The following WDR20 variants were observed in gnomAD, a reference collection of about 807,000 sequenced individuals.
The protein encoded by WDR20 is WD repeat-containing protein 20.
In WDR20, 3 loss-of-function variants were observed where a neutral mutation model predicts 38.7. The ratio of observed to expected loss-of-function variants is 0.08; its 90% CI spans 0.04 to 0.20. The LOEUF is 0.20. Among genes scored for constraint, WDR20 ranks in the 10% least tolerant of loss-of-function variants. WDR20 has a pLI of 1.00. For synonymous variants in WDR20, 298 were observed against 285.6 expected, an observed-to-expected ratio of 1.04 and a Z score of -0.44; for missense variants, 559 against 727.7, an observed-to-expected ratio of 0.77 and a Z score of 2.67.
At chr14:102,216,923 ACT>A (rs1056302847), downstream of WDR20, among the ~76,000 whole-genome samples, 18 of 151,996 alleles carry the variant, frequency 1.2e-4, no homozygotes, top group African/African-American at 3.9e-4. Context: ...ACAGAGCGAG[ACT>A]CTGTCTTAAA....
chr14:102,171,010 A>G (rs765608737), intron 1 of WDR20, among the ~76,000 whole-genome samples: 6 of 151,932 alleles, frequency 3.9e-5, no homozygotes, highest in South Asian at 4.1e-4. Flanking sequence ...CACCCAGGCT[A>G]GAGTGCAGTG....
At chr14:102,197,399 A>G (rs972482380) in intron 2 of WDR20, among the ~76,000 whole-genome samples, 2 of 152,244 alleles carry the variant, frequency 1.3e-5, no homozygotes, top group African/African-American at 2.4e-5. Flanking sequence ...TTTAGTATGC[A>G]TTTTAAAGTT....
At chr14:102,189,220 A>ACCC (rs1258571672) in intron 1 of WDR20, among the ~76,000 whole-genome samples, 1 of 152,180 alleles carries the variant, frequency 6.6e-6, no homozygotes, top group Admixed American at 6.5e-5. Flanking sequence ...AATAATAATA[A>ACCC]TAGTAATGAA....
At chr14:102,214,444 A>G (rs1379835008), downstream of WDR20, 3 of 985,462 alleles carry the variant, frequency 3.0e-6, no homozygotes, top group Non-Finnish European at 3.6e-6. Flanking sequence ...CTCAGATCCT[A>G]GTTACGAACT....
intron 1 of WDR20, among the ~76,000 whole-genome samples, chr14:102,182,128 T>C (rs1242009615): frequency 6.6e-6 from 1 of 152,176 alleles, no homozygotes; most frequent in African/African-American, 2.4e-5. Flanking sequence ...GGTGATAAAT[T>C]CTCAGTTCAG....
chr14:102,171,984 G>A (rs1304898087), intron 1 of WDR20, among the ~76,000 whole-genome samples: 1 of 150,492 alleles, frequency 6.6e-6, no homozygotes, highest in Non-Finnish European at 1.5e-5. Context: ...AGGGTCATAT[G>A]TGGAGGGAAG....
At chr14:102,142,865 G>A (rs1439292704) in intron 1 of WDR20, among the ~76,000 whole-genome samples, 1 of 143,754 alleles carries the variant, frequency 7.0e-6, no homozygotes, top group Non-Finnish European at 1.5e-5. Context: ...ATTTAGATGA[G>A]TAAATTCAAC....
intron 1 of WDR20, among the ~76,000 whole-genome samples, chr14:102,175,634 G>A (rs551637606): frequency 3.2e-4 from 49 of 152,218 alleles, no homozygotes; most frequent in Non-Finnish European, 4.6e-4. Context: ...TTTATAGATT[G>A]CTTTTGGCAG....
intron 1 of WDR20, among the ~76,000 whole-genome samples, chr14:102,176,885 C>T (rs902514141): frequency 4.6e-5 from 7 of 152,074 alleles, no homozygotes; most frequent in Non-Finnish European, 1.0e-4. Context: ...CCTGCCATCA[C>T]GCCCGGCTAA....
In WDR20 at chr14:102,193,534, C is replaced by G. The variant is rs1000306377; in HGVS notation, c.250-1404C>G. 7 of 1,610,624 alleles carry G rather than the reference C, an allele frequency of 4.3e-6. No homozygotes were observed. The Admixed American group carries it at 1.2e-4, about 27-fold the overall frequency. On this transcript the variant is annotated intron_variant, in intron 1 of 2. Transcript: ENST00000342702. ...ACTGAGGTGAGGCTGGGAGAGTGTC[C>G]GCATGGCATGCACCCTCATTCCTTT... is the stretch of plus-strand genomic sequence containing the variant.
At chr14:102,148,630 G>A (rs1349740218) in intron 1 of WDR20, among the ~76,000 whole-genome samples, 1 of 151,524 alleles carries the variant, frequency 6.6e-6, no homozygotes, top group Non-Finnish European at 1.5e-5. Context: ...TGGCGGATGT[G>A]AAGTGTATTT....
At chr14:102,169,743 G>A (rs2060455166) in intron 1 of WDR20, among the ~76,000 whole-genome samples, 1 of 152,080 alleles carries the variant, frequency 6.6e-6, no homozygotes, top group South Asian at 2.1e-4. Context: ...GGCCAGGCTG[G>A]TCTCGAACTC....
At chr14:102,164,794 G>C (rs903407287) in intron 1 of WDR20, among the ~76,000 whole-genome samples, 3 of 151,884 alleles carry the variant, frequency 2.0e-5, no homozygotes, top group African/African-American at 7.3e-5. Flanking sequence ...TTCTTTAATT[G>C]CTCAGTCCTC....
At chr14:102,212,684 G>A, downstream of WDR20, 9 of 1,504,324 alleles carry the variant, frequency 6.0e-6, no homozygotes, top group South Asian at 1.0e-4. Flanking sequence ...GACCTGGGGA[G>A]GGCCTGGGGA....
chr14:102,185,889 C>T (rs1293957774), intron 1 of WDR20, among the ~76,000 whole-genome samples: 1 of 151,000 alleles, frequency 6.6e-6, no homozygotes, highest in Non-Finnish European at 1.5e-5. Flanking sequence ...TCTATCACTT[C>T]ACTGTTCTTT....
chr14:102,205,708 G>T (rs553393529), intron 2 of WDR20, among the ~76,000 whole-genome samples: 5 of 151,968 alleles, frequency 3.3e-5, no homozygotes, highest in Non-Finnish European at 4.4e-5. Context: ...AGAGAAGCAC[G>T]TGTTTTCCCT....
At chr14:102,168,492 G>A (rs563165758) in intron 1 of WDR20, among the ~76,000 whole-genome samples, 1 of 152,090 alleles carries the variant, frequency 6.6e-6, no homozygotes, top group East Asian at 1.9e-4. Flanking sequence ...TGCCTGGCAC[G>A]GTGTAGGTGC....
intron 2 of WDR20, among the ~76,000 whole-genome samples, chr14:102,201,476 A>G (rs2060370166): frequency 6.6e-6 from 1 of 152,166 alleles, no homozygotes; most frequent in Non-Finnish European, 1.5e-5. Context: ...TTCTTGTTTC[A>G]TTTTAACTAG....
intron 1 of WDR20, among the ~76,000 whole-genome samples, chr14:102,159,620 T>C (rs749270052): frequency 4.6e-5 from 7 of 151,992 alleles, no homozygotes; most frequent in Non-Finnish European, 7.4e-5. Flanking sequence ...GATTGCTTTA[T>C]CTCAGGAGTT....
Sources: allele counts gnomAD v4.1 joint callset (sites outside exome capture counted in the v4.1 genomes callset), GRCh38; gene constraint gnomAD v4.1.1; transcripts MANE v1.5; gene names NCBI Gene and HGNC (gene_info 2026-07-23, HGNC 2026-07-21).